The following TLE1 variants were observed in gnomAD, a reference collection of about 807,000 sequenced individuals.
TLE1 encodes the protein transducin-like enhancer protein 1.
A neutral mutation model predicts 89.8 loss-of-function variants in TLE1; 21 were observed. The ratio of observed to expected loss-of-function variants is 0.23; its 90% CI spans 0.17 to 0.34. The LOEUF is 0.34. Among genes scored for constraint, TLE1 ranks in the 10% least tolerant of loss-of-function variants. The pLI is 1.00. For missense variants in TLE1, 795 were observed against 1,031.2 expected (o/e 0.77, Z 3.14); for synonymous variants, 447 against 407.6 (o/e 1.10, Z -1.16).
intron 8 of TLE1, among the ~76,000 whole-genome samples, chr9:81,629,093 G>A (rs1379743163): frequency 6.6e-6 from 1 of 152,144 alleles, no homozygotes; most frequent in Non-Finnish European, 1.5e-5. Flanking sequence ...ATGGATCACT[G>A]CAAAATGATA....
chr9:81,624,193 C>T (rs1320853764), intron 8 of TLE1, among the ~76,000 whole-genome samples: 1 of 152,170 alleles, frequency 6.6e-6, no homozygotes, highest in African/African-American at 2.4e-5. Flanking sequence ...ACCTCCTAAC[C>T]AACAGAATGC....
At chr9:81,660,864 A>G (rs1830678645) in intron 4 of TLE1, among the ~76,000 whole-genome samples, 1 of 149,800 alleles carries the variant, frequency 6.7e-6, no homozygotes, top group South Asian at 2.1e-4. Flanking sequence ...TGGGAGGCCG[A>G]GGCGGGAGGA....
At chr9:81,664,638 G>A (rs964775964) in intron 4 of TLE1, among the ~76,000 whole-genome samples, 4 of 152,068 alleles carry the variant, frequency 2.6e-5, no homozygotes, top group African/African-American at 9.7e-5. Context: ...TGAGGCAGGA[G>A]GATACCTTGA....
In TLE1 at chr9:81,620,560, G is replaced by C. The variant is rs1468371701; in HGVS notation, c.595-3C>G. 15 of 1,601,552 alleles carry C rather than the reference G, an allele frequency of 9.4e-6. No individual in the cohort carries two copies. The highest frequency in any genetic ancestry group is 1.4e-5 in the African/African-American group (1 of 74,036). ...TCTGGGACCAGGAGGGAATTACTCTGCAAGACAAAAAAATTAATCAAAGAT... is the reference window on the plus strand; with the variant it reads ...TCTGGGACCAGGAGGGAATTACTCTCCAAGACAAAAAAATTAATCAAAGAT... On this transcript the variant is annotated splice_region_variant and splice_polypyrimidine_tract_variant and intron_variant, in intron 8 of 19. Transcript: ENST00000376499.
intron 4 of TLE1, among the ~76,000 whole-genome samples, chr9:81,673,101 C>T (rs1319664121): frequency 1.3e-5 from 2 of 151,650 alleles, no homozygotes; most frequent in Admixed American, 6.6e-5. Flanking sequence ...GGTGAAATCC[C>T]GACTCTACTA....
chr9:81,675,281 T>C (rs1832732759), intron 4 of TLE1, among the ~76,000 whole-genome samples: 1 of 152,166 alleles, frequency 6.6e-6, no homozygotes, highest in African/African-American at 2.4e-5. Flanking sequence ...ATTTGAAATT[T>C]TTCATAATAA....
intron 16 of TLE1, 79 bp from the exon 17 acceptor site, chr9:81,587,907 C>CCT: frequency 9.3e-6 from 7 of 752,282 alleles, no homozygotes; most frequent in Non-Finnish European, 1.2e-5. Context: ...AGTTTTGGAC[C>CCT]GTGTGTGTGT....
chr9:81,633,199 T>C, intron 8 of TLE1, 149 bp downstream of exon 8: 1 of 1,357,880 alleles, frequency 7.4e-7, no homozygotes, highest in South Asian at 1.8e-5. Context: ...GGAAAAAAAG[T>C]AAAAGAAAAA....
At chr9:81,597,496 A>C (rs948516641) in intron 14 of TLE1, among the ~76,000 whole-genome samples, 2 of 152,208 alleles carry the variant, frequency 1.3e-5, no homozygotes, top group Non-Finnish European at 2.9e-5. Context: ...ACAAACGCCC[A>C]AAGAGTAGAG....
At chr9:81,644,669 C>T (rs4595209) in intron 6 of TLE1, among the ~76,000 whole-genome samples, 137,134 of 152,202 alleles carry the variant, frequency 0.9, 61,797 homozygotes, top group South Asian at 0.92. Context: ...AATGTGAATA[C>T]GCTAAAAACC....
intron 7 of TLE1, chr9:81,633,855 G>A (rs1372169639): frequency 4.1e-6 from 2 of 486,924 alleles, no homozygotes; most frequent in Non-Finnish European, 7.2e-6. Context: ...CATTAACTAG[G>A]CAGTTGCCAA....
At chr9:81,678,689 C>T (rs2133076162) in intron 4 of TLE1, among the ~76,000 whole-genome samples, 1 of 152,206 alleles carries the variant, frequency 6.6e-6, no homozygotes, top group South Asian at 2.1e-4. Flanking sequence ...GTGGCACGTG[C>T]CTGTAATCCC....
intron 13 of TLE1, among the ~76,000 whole-genome samples, chr9:81,610,647 G>T (rs1823578493): frequency 6.6e-6 from 1 of 152,128 alleles, no homozygotes; most frequent in Non-Finnish European, 1.5e-5. Flanking sequence ...GGGCCAAACA[G>T]TTCTTTTCTT....
Position 81,610,229 on chromosome 9 carries a change from C to G in TLE1, c.1322G>C (p.Gly441Ala). 6.2e-7 allele frequency: 1 copy of G among 1,613,910 alleles called. No homozygotes were observed. The highest frequency in any genetic ancestry group is 8.5e-7 in the Non-Finnish European group (1 of 1,179,954). ...TIPPNLAGIP[G>A]GKPAYSFHVT... ...TCTTTGAGGTACTTACGGTTTCCCC[C>G]CAGGGATTCCTGCCAGGTTTGGAGG... The change falls in exon 14 of 20, where the codon GGG becomes GCG. Residue 441 changes from glycine to alanine, a missense_variant. Gly to Ala is a moderately conservative substitution (Grantham distance 60, BLOSUM62 0). This residue lies in a region of TLE1 where 468 missense variants were observed against 509.1 expected (regional missense o/e 0.92). Transcript: ENST00000376499.
At chr9:81,646,553 A>G (rs1349765941) in intron 6 of TLE1, among the ~76,000 whole-genome samples, 1 of 152,230 alleles carries the variant, frequency 6.6e-6, no homozygotes, top group Non-Finnish European at 1.5e-5. Context: ...GATTAACCAC[A>G]TACTCATAAG....
Position 81,637,002 on chromosome 9 carries a change from CA to C in TLE1, c.373-2702del, listed in dbSNP as rs370837419. Among the ~76,000 whole-genome samples the C allele has an allele frequency of 7.1e-3, 556 of 78,742 alleles. 3 individuals carry two copies. The highest frequency in any genetic ancestry group is 0.017 in the African/African-American group (389 of 22,536). 51.7% of individuals were successfully genotyped at this position (78,742 alleles called of 152,430 possible). A position where few individuals can be genotyped will look rare whatever the true frequency, so the allele number is the denominator to read the frequency against. On this transcript the variant is annotated intron_variant, in intron 6 of 19. Coordinates refer to ENST00000376499, the MANE Select transcript of TLE1 (RefSeq NM_005077.5). ...TGGACGACAGAGGGAGACTCCGTCT[CA>C]AAAAAAAAAAAAAGAAAAAAGAAAA...
chr9:81,603,298 G>GA (rs1199333217), intron 14 of TLE1, among the ~76,000 whole-genome samples: 2 of 152,110 alleles, frequency 1.3e-5, no homozygotes, highest in African/African-American at 2.4e-5. Context: ...TTCTGCCTTG[G>GA]ATTTTGTGAT....
chr9:81,596,130 G>A (rs1343389321), intron 14 of TLE1, among the ~76,000 whole-genome samples: 1 of 152,196 alleles, frequency 6.6e-6, no homozygotes, highest in African/African-American at 2.4e-5. Context: ...CCGAGTAACA[G>A]ACGGGAGATC....
intron 4 of TLE1, among the ~76,000 whole-genome samples, chr9:81,678,534 C>T (rs947882931): frequency 6.6e-6 from 1 of 152,146 alleles, no homozygotes; most frequent in Non-Finnish European, 1.5e-5. Flanking sequence ...AATTTAGGGG[C>T]TGGGAGCAGT....
Sources: allele counts gnomAD v4.1 joint callset (sites outside exome capture counted in the v4.1 genomes callset), GRCh38; gene constraint gnomAD v4.1.1; regional missense constraint gnomAD v4.1.1; transcripts MANE v1.5; gene names NCBI Gene and HGNC (gene_info 2026-07-23, HGNC 2026-07-21).